Variants in AFF3 observed in about 807,000 individuals in gnomAD.
AFF3 encodes ALF transcription elongation factor 3.
AFF3 carries 32 observed loss-of-function variants against 129.7 expected under a neutral mutation model. That is an observed-to-expected ratio of 0.25 (90% CI 0.19 to 0.33). AFF3 has a LOEUF of 0.33. Among genes scored for constraint, AFF3 ranks in the 10% least tolerant of loss-of-function variants. The pLI is 1.00. For synonymous variants in AFF3, 644 were observed against 635.4 expected, an observed-to-expected ratio of 1.01 and a Z score of -0.20; for missense variants, 1,373 against 1,592.0, an observed-to-expected ratio of 0.86 and a Z score of 2.34.
Position 99,682,582 on chromosome 2 carries a change from C to G in AFF3, c.1092-9993G>C, listed in dbSNP as rs543185534. On this transcript the variant is annotated intron_variant, in intron 11 of 24. Transcript: ENST00000672756. ...AAAATTTTATGAATGCCACACCTTT[C>G]AAGCTCCCTGGAGAAGTCCCCACAC... Among the ~76,000 whole-genome samples the G allele has an allele frequency of 7.2e-5, 11 of 152,356 alleles. No individual in the cohort carries two copies. The East Asian group carries it at 2.1e-3, about 29-fold the overall frequency.
intron 12 of AFF3, among the ~76,000 whole-genome samples, chr2:99,656,783 C>A (rs1353393301): frequency 6.6e-6 from 1 of 152,124 alleles, no homozygotes; most frequent in Non-Finnish European, 1.5e-5. Flanking sequence ...AAAATTCTTA[C>A]TCCTCTCTAT....
chr2:99,827,374 C>G (rs1235058167), intron 8 of AFF3, among the ~76,000 whole-genome samples: 2 of 152,072 alleles, frequency 1.3e-5, no homozygotes, highest in Non-Finnish European at 2.9e-5. Context: ...GAGGGTGTGA[C>G]AGAGACACCA....
chr2:99,676,715 T>C (rs1383257166), intron 11 of AFF3, among the ~76,000 whole-genome samples: 3 of 152,222 alleles, frequency 2.0e-5, no homozygotes, highest in African/African-American at 7.2e-5. Flanking sequence ...CCATTTGCTC[T>C]ATTTTCAGGC....
At chr2:99,965,275 CAAA>C (rs1214664825) in intron 7 of AFF3, among the ~76,000 whole-genome samples, 1 of 152,128 alleles carries the variant, frequency 6.6e-6, no homozygotes, top group Non-Finnish European at 1.5e-5. Context: ...ACCATGCTAA[CAAA>C]GAAACAAAGA....
intron 7 of AFF3, among the ~76,000 whole-genome samples, chr2:99,980,463 A>G (rs1033588698): frequency 4.6e-5 from 7 of 152,236 alleles, no homozygotes; most frequent in African/African-American, 1.2e-4. Context: ...CTCTTTCCCA[A>G]TATGTGGCAA....
intron 7 of AFF3, among the ~76,000 whole-genome samples, chr2:99,946,855 A>G (rs1558999298): frequency 6.6e-6 from 1 of 152,204 alleles, no homozygotes; most frequent in Admixed American, 6.5e-5. Context: ...AATAACTAAC[A>G]AACTAATTAC....
At chr2:99,777,825 C>T (rs1480482019) in intron 8 of AFF3, among the ~76,000 whole-genome samples, 1 of 151,512 alleles carries the variant, frequency 6.6e-6, no homozygotes, top group African/African-American at 2.4e-5. Flanking sequence ...TACCAGCTCC[C>T]GGTGGTCCCA....
intron 2 of AFF3, among the ~76,000 whole-genome samples, chr2:100,128,464 A>C (rs1195331877): frequency 6.6e-6 from 1 of 152,170 alleles, no homozygotes; most frequent in Non-Finnish European, 1.5e-5. Context: ...TGGTTGGTTA[A>C]GGAAGACCAG....
chr2:100,073,725 G>A (rs979549120), intron 4 of AFF3, among the ~76,000 whole-genome samples: 7 of 152,098 alleles, frequency 4.6e-5, no homozygotes, highest in African/African-American at 4.8e-5. Flanking sequence ...AACAATTGTC[G>A]TTGTCTATAA....
intron 4 of AFF3, among the ~76,000 whole-genome samples, chr2:100,018,012 A>ATGTG (rs754696123): frequency 0.016 from 2,330 of 148,188 alleles, 66 homozygotes; most frequent in African/African-American, 0.052. Flanking sequence ...CTTGGTTGAT[A>ATGTG]TGTGTGTGTG....
Position 99,601,548 on chromosome 2 carries a change from CGCTGCTGCTGCTGCT to C in AFF3, c.1243_1257del (p.Ser415_Ser419del). ...GAGTCGCTGGAGGAGCTGCTGCTGC[CGCTGCTGCTGCTGCT>C]GCTGCTGCCCTTGCTGGAAGGCACC... On this transcript the variant is annotated inframe_deletion, in exon 14 of 25. Transcript: ENST00000672756. 1 of 1,598,838 alleles carries C rather than the reference CGCTGCTGCTGCTGCT, an allele frequency of 6.3e-7. No individual in the cohort carries two copies. The highest frequency in any genetic ancestry group is 8.5e-7 in the Non-Finnish European group (1 of 1,174,138).
intron 7 of AFF3, among the ~76,000 whole-genome samples, chr2:99,928,571 G>T (rs1028540766): frequency 6.6e-6 from 1 of 152,184 alleles, no homozygotes; most frequent in Admixed American, 6.5e-5. Context: ...TGCCATGGAT[G>T]AAAGACTCCT....
chr2:99,783,102 T>C (rs544137219), intron 8 of AFF3, among the ~76,000 whole-genome samples: 5 of 152,188 alleles, frequency 3.3e-5, no homozygotes, highest in African/African-American at 4.8e-5. Flanking sequence ...AATCCATTAT[T>C]GACAGAAGGA....
chr2:100,105,824 TC>T, intron 2 of AFF3: 1 of 1,346,114 alleles, frequency 7.4e-7, no homozygotes, highest in South Asian at 1.2e-5. Context: ...TCCCCAGAAT[TC>T]CTAGAGAGCA....
At chr2:99,595,653 C>A (rs1218304956) in intron 14 of AFF3, among the ~76,000 whole-genome samples, 2 of 146,774 alleles carry the variant, frequency 1.4e-5, no homozygotes, top group African/African-American at 2.5e-5. Flanking sequence ...AACAGTGAGG[C>A]CTGTATTAAG....
chr2:100,125,859 TGGGGAG>T (rs1692164131), intron 2 of AFF3, among the ~76,000 whole-genome samples: 1 of 151,926 alleles, frequency 6.6e-6, no homozygotes, highest in Admixed American at 6.6e-5. Flanking sequence ...CGCGTGAGCC[TGGGGAG>T]GTAGGCAGGG....
chr2:99,665,924 G>A (rs565172389), intron 12 of AFF3, among the ~76,000 whole-genome samples: 1 of 152,278 alleles, frequency 6.6e-6, no homozygotes, highest in East Asian at 1.9e-4. Context: ...ACTGAAAAGA[G>A]CCCAGTATAA....
intron 7 of AFF3, among the ~76,000 whole-genome samples, chr2:99,893,791 A>G (rs1693743239): frequency 6.6e-6 from 1 of 152,210 alleles, no homozygotes; most frequent in Non-Finnish European, 1.5e-5. Flanking sequence ...ACTTCCAAAT[A>G]CCTTTATCAC....
rs113352017 is a variant in AFF3, at chr2:99,943,915, AT to A, written c.873+62716del. On this transcript the variant is annotated intron_variant, in intron 7 of 24. Transcript: ENST00000672756. ...TTTTTCCACTGAAGTCTGTATTCCA[AT>A]TTTTTTTTTTTTGATACAGGGTTTT... Among the ~76,000 whole-genome samples, 486 of 147,290 alleles carry A rather than the reference AT, an allele frequency of 3.3e-3. 4 individuals are homozygous for A. The highest frequency in any genetic ancestry group is 0.011 in the Middle Eastern group (3 of 268).
Sources: allele counts gnomAD v4.1 joint callset (sites outside exome capture counted in the v4.1 genomes callset), GRCh38; gene constraint gnomAD v4.1.1; transcripts MANE v1.5; gene names NCBI Gene and HGNC (gene_info 2026-07-23, HGNC 2026-07-21).